FBLN1: variants seen among roughly 807,000 people sequenced by gnomAD.
The protein encoded by FBLN1 is fibulin 1.
A neutral mutation model predicts 89.7 loss-of-function variants in FBLN1; 34 were observed. That is an observed-to-expected ratio of 0.38 (90% CI 0.29 to 0.50). The LOEUF is 0.50. Among genes scored for constraint, FBLN1 ranks in the 20% least tolerant of loss-of-function variants. FBLN1 has a pLI of 0.92. For synonymous variants in FBLN1, 393 were observed against 391.3 expected (o/e 1.00, Z -0.05); for missense variants, 777 against 988.1 (o/e 0.79, Z 2.86).
At chr22:45,600,164 C>A (rs2089218896) in intron 16 of FBLN1, 143 bp from the exon 17 acceptor site, 1 of 938,486 alleles carries the variant, frequency 1.1e-6, no homozygotes, top group Non-Finnish European at 1.7e-6. Context: ...ATTCAGGGGA[C>A]TCGAGCATCT....
rs2146932689 is a variant in FBLN1 at position 45,504,945 on chromosome 22, T to C, written c.79+1881T>C. Among the ~76,000 whole-genome samples, 2 of 152,342 alleles carry C rather than the reference T, an allele frequency of 1.3e-5. 1 individual carries two copies. Among genetic ancestry groups the C allele is most frequent in the South Asian group, 4.1e-4 (2 of 4,830 alleles). On this transcript the variant is annotated intron_variant, in intron 1 of 16. Transcript: ENST00000327858. ...TGGGAAGGGGCTTTTGAAGACTGCC[T>C]GGCCCCTATCTGCAGCTGTGAGGCC...
intron 16 of FBLN1, among the ~76,000 whole-genome samples, chr22:45,584,325 C>T (rs888888936): frequency 6.6e-6 from 1 of 152,216 alleles, no homozygotes; most frequent in African/African-American, 2.4e-5. Context: ...CTCACCCCCA[C>T]TTAAAGGGAA....
intron 1 of FBLN1, among the ~76,000 whole-genome samples, chr22:45,503,715 G>A (rs960104310): frequency 1.3e-5 from 2 of 152,182 alleles, no homozygotes; most frequent in South Asian, 2.1e-4. Context: ...GAGGGCCCAA[G>A]GCAGTGGTTC....
In FBLN1 at chr22:45,527,915, C is replaced by T; in HGVS notation, c.390C>T (p.Leu130=). The change falls in exon 4 of 17, where the codon CTC becomes CTT. Residue 130 remains leucine (L), a synonymous_variant. Coordinates refer to ENST00000327858, the MANE Select transcript of FBLN1 (RefSeq NM_006486.3). ...QAQGQSCEYS[L]MVGYQCGQVF... is the part of the protein sequence containing the mutation. The stretch of plus-strand genomic sequence containing the variant: ...AGGGCCAGAGCTGCGAGTACAGCCT[C>T]ATGGTTGGCTACCAGTGTGGACAGG... The T allele has an allele frequency of 6.2e-7, 1 of 1,614,202 alleles. No homozygotes were observed. The highest frequency in any genetic ancestry group is 8.5e-7 in the Non-Finnish European group (1 of 1,180,050).
At chr22:45,541,104 G>A in intron 8 of FBLN1, 125 bp from the exon 9 acceptor site, 1 of 1,257,374 alleles carries the variant, frequency 8.0e-7, no homozygotes, top group Non-Finnish European at 1.2e-6. Context: ...GAGTGAGGGG[G>A]TTGAGCCCCT....
intron 14 of FBLN1, among the ~76,000 whole-genome samples, chr22:45,567,890 G>A (rs987317078): frequency 2.0e-5 from 3 of 152,190 alleles, no homozygotes; most frequent in African/African-American, 7.2e-5. Flanking sequence ...TGGGGGAACA[G>A]CAGCTGAAAC....
chr22:45,596,907 T>C (rs1184338575), intron 16 of FBLN1, among the ~76,000 whole-genome samples: 7 of 148,626 alleles, frequency 4.7e-5, no homozygotes, highest in Admixed American at 1.4e-4. Flanking sequence ...TGACATACTT[T>C]ATAACATATA....
rs1255021822 is a variant in FBLN1 at position 45,549,105 on chromosome 22, C to T, written c.1573+361C>T. ...GGAAGCAGTCCAGGCCAGGGGATGG[C>T]GTGGCCTGGTGTGGGATGGCCCAGG... On this transcript the variant is annotated intron_variant, in intron 13 of 16. Coordinates refer to ENST00000327858, the MANE Select transcript of FBLN1 (RefSeq NM_006486.3). The surrounding 1 kb of genome is among the most constrained non-coding windows in gnomAD (Gnocchi z 5.7). Among the ~76,000 whole-genome samples the T allele has an allele frequency of 2.6e-5, 4 of 152,158 alleles. No individual in the cohort carries two copies. Among genetic ancestry groups the T allele is most frequent in the Admixed American group, 6.5e-5 (1 of 15,282 alleles).
At chr22:45,529,798 C>T (rs1422183219) in intron 4 of FBLN1, among the ~76,000 whole-genome samples, 7 of 152,106 alleles carry the variant, frequency 4.6e-5, no homozygotes, top group Non-Finnish European at 7.3e-5. Flanking sequence ...ACCTGGGAGG[C>T]GGAGGTTGCA....
intron 16 of FBLN1, among the ~76,000 whole-genome samples, chr22:45,599,982 C>T (rs571559567): frequency 7.8e-4 from 118 of 152,216 alleles, no homozygotes; most frequent in Non-Finnish European, 8.5e-4. Flanking sequence ...AACCTGGGCT[C>T]AGAAGCTGGC....
rs1475733224 is a variant in FBLN1 at position 45,575,631 on chromosome 22, C to A, written c.1840+978C>A. Reference sequence around the variant, plus strand: ...GCAGGAAGCTCAGGTGTAACCCAGTCAGTGCTCCCACACCCCAGCCTGGCT... The same window carrying A: ...GCAGGAAGCTCAGGTGTAACCCAGTAAGTGCTCCCACACCCCAGCCTGGCT... On this transcript the variant is annotated intron_variant, in intron 15 of 16. Transcript: ENST00000327858. This position sits in a 1 kb window ranked among gnomAD's most constrained non-coding sequence, Gnocchi z 6.3. Among the ~76,000 whole-genome samples the A allele has an allele frequency of 6.6e-6, 1 of 152,126 alleles. No homozygotes were observed. Among genetic ancestry groups the A allele is most frequent in the Non-Finnish European group, 1.5e-5 (1 of 68,026 alleles).
At chr22:45,599,925 A>G (rs186034250) in intron 16 of FBLN1, among the ~76,000 whole-genome samples, 1 of 152,308 alleles carries the variant, frequency 6.6e-6, no homozygotes, top group East Asian at 1.9e-4. Flanking sequence ...CGCAAAAACA[A>G]AAGACAAACA....
In FBLN1 at chr22:45,597,616, C is replaced by G. The variant is rs908083135; in HGVS notation, c.1973-2691C>G. 2.0e-5 allele frequency among the ~76,000 whole-genome samples: 3 copies of G among 152,160 alleles called. No homozygotes were observed. The East Asian group carries it at 5.8e-4, about 29-fold the overall frequency. ...CAGACCCAGCCCAGGGAGGGGCAGG[C>G]AGGAGTGACCCCGTCATCAGGTTCT... is the stretch of plus-strand genomic sequence containing the variant. On this transcript the variant is annotated intron_variant, in intron 16 of 16. Coordinates refer to ENST00000327858, the MANE Select transcript of FBLN1 (RefSeq NM_006486.3). This position sits in a 1 kb window ranked among gnomAD's most constrained non-coding sequence, Gnocchi z 4.2.
At chr22:45,513,027 A>T (rs956396650) in intron 1 of FBLN1, among the ~76,000 whole-genome samples, 5 of 152,218 alleles carry the variant, frequency 3.3e-5, no homozygotes, top group Non-Finnish European at 7.3e-5. Context: ...TTGAAGTTTC[A>T]TAGCTTGCCG....
rs181349094 is a variant in FBLN1, at chr22:45,569,530, T to A, written c.1698-4981T>A. Among the ~76,000 whole-genome samples, 15 of 152,220 alleles carry A rather than the reference T, an allele frequency of 9.9e-5. No individual in the cohort carries two copies. In the East Asian group the frequency reaches 2.7e-3, roughly 27 times the overall value. The stretch of plus-strand genomic sequence containing the variant: ...GGCATGTGCCTGTAATCTCAGCGAC[T>A]TGGGAGGCTGAGGCAGGAGAATCGC... On this transcript the variant is annotated intron_variant, in intron 14 of 16. Coordinates refer to ENST00000327858, the MANE Select transcript of FBLN1 (RefSeq NM_006486.3).
At position 45,545,008 on chromosome 22, in the gene FBLN1, G is replaced by A. The variant is rs5764779; in HGVS notation, c.1321+1482G>A. ...GGTGCCGTGCACTGGCTCACAGGAC[G>A]GCTTCTGCAGCCTGACTCAAACATG... On this transcript the variant is annotated intron_variant, in intron 11 of 16. Coordinates refer to ENST00000327858, the MANE Select transcript of FBLN1 (RefSeq NM_006486.3). The surrounding 1 kb of genome is among the most constrained non-coding windows in gnomAD (Gnocchi z 5.9). 0.36 allele frequency among the ~76,000 whole-genome samples: 54,095 copies of A among 152,098 alleles called. 10,338 individuals are homozygous for A. Among genetic ancestry groups the A allele is most frequent in the Middle Eastern group, 0.51 (150 of 292 alleles).
At position 45,550,665 on chromosome 22, in the gene FBLN1, G is replaced by C. The variant is rs201730824; in HGVS notation, c.1697+50G>C. 121 of 1,613,748 alleles carry C rather than the reference G, an allele frequency of 7.5e-5. 1 individual carries two copies. In the Middle Eastern group the frequency reaches 2.1e-3, roughly 29 times the overall value. On this transcript the variant is annotated intron_variant, in intron 14 of 16. Transcript: ENST00000327858. The surrounding 1 kb of genome is among the most constrained non-coding windows in gnomAD (Gnocchi z 8.4). ...GTCGTCTGTCTGTGTTGGCCTTCCTGGTGACCCAGTTCCCGGGTGGGTGGG... is the reference window on the plus strand; with the variant it reads ...GTCGTCTGTCTGTGTTGGCCTTCCTCGTGACCCAGTTCCCGGGTGGGTGGG...
At position 45,600,813 on chromosome 22, in the gene FBLN1, G is replaced by T; in HGVS notation, c.*367G>T. ...AGACCAGTTCTTGCCCTGATTGTAT[G>T]AAATTTGACATTTTGGCACTTTTTT... On this transcript the variant is annotated 3_prime_UTR_variant, in exon 17 of 17. Transcript: ENST00000327858. The T allele has an allele frequency of 3.3e-6, 1 of 301,694 alleles. No homozygotes were observed. The highest frequency in any genetic ancestry group is 3.4e-5 in the South Asian group (1 of 29,368). 18.7% of individuals were successfully genotyped at this position (301,694 alleles called of 1,614,324 possible).
intron 14 of FBLN1, chr22:45,564,928 G>A (rs756706931): frequency 8.1e-6 from 13 of 1,614,058 alleles, no homozygotes; most frequent in African/African-American, 1.3e-5. Flanking sequence ...GCGGGATCAA[G>A]TAAAGAGGAC....
Sources: gnomAD v4.1 joint callset for allele counts (sites outside exome capture counted in the v4.1 genomes callset) on GRCh38, gnomAD v4.1.1 for gene constraint, Gnocchi (gnomAD v3.1) non-coding constraint, MANE v1.5 for transcripts, NCBI Gene and HGNC (gene_info 2026-07-23, HGNC 2026-07-21) for gene names.